FER: variants seen among roughly 807,000 people sequenced by gnomAD.
FER encodes the protein FER tyrosine kinase.
In FER, 63 loss-of-function variants were observed where a neutral mutation model predicts 111.0. That is an observed-to-expected ratio of 0.57 (90% CI 0.46 to 0.70). The LOEUF (loss-of-function observed/expected upper bound fraction) is 0.70, where lower values mean the gene tolerates loss of function less well. FER is among the 30% of genes least tolerant of loss of function. The pLI, the probability that FER is intolerant of heterozygous loss-of-function variation, is 0.00. For missense variants in FER, 914 were observed against 954.0 expected, an observed-to-expected ratio of 0.96 and a Z score of 0.55; for synonymous variants, 327 against 313.9, an observed-to-expected ratio of 1.04 and a Z score of -0.44.
chr5:109,024,582 G>C (rs1464347450), intron 13 of FER, among the ~76,000 whole-genome samples: 1 of 152,054 alleles, frequency 6.6e-6, no homozygotes, highest in Non-Finnish European at 1.5e-5. Context: ...GGAGGACGGT[G>C]GGTAGATACC....
chr5:109,037,461 G>A lies in FER; in HGVS notation c.1696G>A (p.Gly566Arg). The A allele has an allele frequency of 6.2e-7, 1 of 1,611,862 alleles. No homozygotes were observed. Among genetic ancestry groups the A allele is most frequent in the Non-Finnish European group, 8.5e-7 (1 of 1,178,442 alleles). The change falls in exon 14 of 20, where the codon GGA becomes AGA. Residue 566 changes from glycine (G) to arginine (R), a missense_variant. Around this residue, in one of 3 missense-constraint regions of FER, gnomAD observed 774 missense variants for 782.6 expected, o/e 0.99. Coordinates refer to ENST00000281092, the MANE Select transcript of FER (RefSeq NM_005246.4). ...TCTCAGTCATGAAGATGTCATATTG[G>A]GAGAATTACTGGGCAAGGTATGTAA... ...WILSHEDVIL[G>R]ELLGKGNFGE...
chr5:108,839,696 G>A (rs1761059319), intron 5 of FER, among the ~76,000 whole-genome samples: 1 of 149,106 alleles, frequency 6.7e-6, no homozygotes, highest in Admixed American at 6.8e-5. Context: ...TCCTGCCTCA[G>A]CCTCTGGAGT....
At chr5:109,035,116 C>G (rs1003465228) in intron 13 of FER, among the ~76,000 whole-genome samples, 1 of 150,484 alleles carries the variant, frequency 6.6e-6, no homozygotes, top group Non-Finnish European at 1.5e-5. Flanking sequence ...TCACTGCAAC[C>G]TCTGCTTCCC....
In FER at chr5:109,110,941, G is replaced by A. The variant is rs115068746; in HGVS notation, c.2048+10422G>A. ...GATACAATCATGAGCAAGATGGACA[G>A]AGTACCATTCCTCCTGGCATTGTTT... On this transcript the variant is annotated intron_variant, in intron 17 of 19. Coordinates refer to ENST00000281092, the MANE Select transcript of FER (RefSeq NM_005246.4). Among the ~76,000 whole-genome samples the A allele has an allele frequency of 3.1e-3, 466 of 152,218 alleles. 1 individual carries two copies. Among genetic ancestry groups the A allele is most frequent in the African/African-American group, 0.011 (440 of 41,556 alleles).
rs555177640 is a variant in FER, at chr5:108,980,777, T to G, written c.1656+21430T>G. On this transcript the variant is annotated intron_variant, in intron 13 of 19. Coordinates refer to ENST00000281092, the MANE Select transcript of FER (RefSeq NM_005246.4). Reference sequence around the variant, plus strand: ...CTGATTGTCATAGTCCATGAGTGATTGTTGAATATCCTCTGTGGGTCTGAC... The same window carrying G: ...CTGATTGTCATAGTCCATGAGTGATGGTTGAATATCCTCTGTGGGTCTGAC... Among the ~76,000 whole-genome samples, 31 of 152,308 alleles carry G rather than the reference T, an allele frequency of 2.0e-4. 1 individual carries two copies. The East Asian group carries it at 5.8e-3, about 28-fold the overall frequency.
rs77788002 is a variant in FER at position 109,032,767 on chromosome 5, T to C, written c.1657-4655T>C. 3.3e-5 allele frequency among the ~76,000 whole-genome samples: 5 copies of C among 152,312 alleles called. No individual in the cohort carries two copies. The East Asian group carries it at 9.6e-4, about 29-fold the overall frequency. Reference sequence around the variant, plus strand: ...TTTATATGTAGCCCATATCTTACAGTGATTACCAAAGTGCATAATTTATAT... The same window carrying C: ...TTTATATGTAGCCCATATCTTACAGCGATTACCAAAGTGCATAATTTATAT... On this transcript the variant is annotated intron_variant, in intron 13 of 19. Transcript: ENST00000281092.
At chr5:108,940,888 A>G (rs1054420477) in intron 10 of FER, among the ~76,000 whole-genome samples, 2 of 152,112 alleles carry the variant, frequency 1.3e-5, no homozygotes, top group African/African-American at 2.4e-5. Flanking sequence ...ACAAAAGAAT[A>G]TAAGAGCCCC....
intron 13 of FER, among the ~76,000 whole-genome samples, chr5:108,965,414 C>A (rs1042786143): frequency 6.6e-6 from 1 of 151,912 alleles, no homozygotes; most frequent in Admixed American, 6.6e-5. Flanking sequence ...AAGCATTTTT[C>A]GCAGGACAGA....
chr5:109,172,998 A>G (rs1401680459), intron 17 of FER, among the ~76,000 whole-genome samples: 2 of 152,178 alleles, frequency 1.3e-5, no homozygotes, highest in Non-Finnish European at 2.9e-5. Context: ...CTTTATCACT[A>G]TATGTTTGGT....
At chr5:108,779,003 C>G (rs1240639709) in intron 2 of FER, among the ~76,000 whole-genome samples, 15 of 141,486 alleles carry the variant, frequency 1.1e-4, no homozygotes, top group Non-Finnish European at 9.2e-5. Context: ...AGATCTGTGT[C>G]TAGGCTCTTT....
chr5:109,005,766 G>T (rs905516310), intron 13 of FER, among the ~76,000 whole-genome samples: 2 of 152,190 alleles, frequency 1.3e-5, no homozygotes, highest in African/African-American at 4.8e-5. Context: ...TTCCTTAGCA[G>T]CAAGGACCAT....
In FER at chr5:108,798,196, G is replaced by A. The variant is rs1756257014; in HGVS notation, c.14G>A (p.Ser5Asn). 6.2e-7 allele frequency: 1 copy of A among 1,614,048 alleles called. No individual in the cohort carries two copies. The highest frequency in any genetic ancestry group is 8.5e-7 in the Non-Finnish European group (1 of 1,180,000). The change falls in exon 3 of 20, where the codon AGT (serine) becomes AAT (asparagine). Residue 5 changes from serine (S) to asparagine (N), a missense_variant. Physicochemically the swap from Ser to Asn is conservative, Grantham distance 46. Around this residue, in one of 3 missense-constraint regions of FER, gnomAD observed 774 missense variants for 782.6 expected, o/e 0.99. Transcript: ENST00000281092. MGFG[S>N]DLKNSHEAVL... ...GTGCCTTACAAAATGGGGTTTGGGA[G>A]TGACCTGAAGAATTCACATGAAGCA...
chr5:108,816,560 A>G (rs1185782514), intron 3 of FER, among the ~76,000 whole-genome samples: 1 of 152,204 alleles, frequency 6.6e-6, no homozygotes, highest in Non-Finnish European at 1.5e-5. Context: ...TGTTTTTAAA[A>G]AAATGTGTCC....
At chr5:108,857,183 A>G (rs1348795889) in intron 5 of FER, among the ~76,000 whole-genome samples, 1 of 152,134 alleles carries the variant, frequency 6.6e-6, no homozygotes. Context: ...TGTAAATATA[A>G]AAACGTAAAT....
intron 2 of FER, chr5:108,784,390 G>C (rs1014411342): frequency 6.5e-6 from 1 of 153,702 alleles, no homozygotes; most frequent in African/African-American, 2.4e-5. Context: ...GCATCACCGT[G>C]AGACAATTTG....
intron 2 of FER, among the ~76,000 whole-genome samples, chr5:108,791,508 A>C (rs1420413875): frequency 1.3e-5 from 2 of 150,552 alleles, no homozygotes; most frequent in Non-Finnish European, 3.0e-5. Context: ...AAAATTCTTT[A>C]TGTCCTCCAT....
chr5:108,946,047 G>A, intron 10 of FER, 83 bp from the exon 11 acceptor site: 1 of 870,082 alleles, frequency 1.1e-6, no homozygotes, highest in Non-Finnish European at 1.9e-6. Context: ...TGGATAAGCT[G>A]TGGATAAGTA....
intron 17 of FER, among the ~76,000 whole-genome samples, chr5:109,179,943 C>T (rs1020257551): frequency 2.6e-5 from 4 of 152,152 alleles, no homozygotes; most frequent in African/African-American, 9.7e-5. Flanking sequence ...CAGGAAAGAA[C>T]TCTCTGAAGA....
intron 10 of FER, among the ~76,000 whole-genome samples, chr5:108,945,003 C>T (rs1756789956): frequency 6.6e-6 from 1 of 152,030 alleles, no homozygotes; most frequent in African/African-American, 2.4e-5. Context: ...TAGTATTACG[C>T]ACTTAGAAAA....
Sources: gnomAD v4.1 joint callset for allele counts (sites outside exome capture counted in the v4.1 genomes callset) on GRCh38, gnomAD v4.1.1 for gene constraint, gnomAD v4.1.1 regional missense constraint, MANE v1.5 for transcripts, NCBI Gene and HGNC (gene_info 2026-07-23, HGNC 2026-07-21) for gene names.